Variants in IQSEC1 observed in about 807,000 individuals in gnomAD.
IQSEC1 encodes the protein IQ motif and SEC7 domain-containing protein 1.
In IQSEC1, 31 loss-of-function variants were observed where a neutral mutation model predicts 91.0. The observed-to-expected ratio is 0.34, with a 90% confidence interval of 0.26 to 0.46. The LOEUF is 0.46. Ranked by LOEUF, IQSEC1 falls within the 20% of genes least tolerant of loss-of-function variation. IQSEC1 has a pLI of 1.00. For missense variants in IQSEC1, 1,388 were observed against 1,575.6 expected (o/e 0.88, Z 2.02); for synonymous variants, 699 against 662.6 (o/e 1.05, Z -0.84).
chr3:12,995,938 G>A (rs1270808624), intron 1 of IQSEC1, among the ~76,000 whole-genome samples: 1 of 152,192 alleles, frequency 6.6e-6, no homozygotes, highest in East Asian at 1.9e-4. Flanking sequence ...CAGTGCTTTG[G>A]GAGGCTGAGG....
At chr3:12,917,606 C>T (rs984660292) in intron 6 of IQSEC1, among the ~76,000 whole-genome samples, 1 of 152,224 alleles carries the variant, frequency 6.6e-6, no homozygotes, top group Admixed American at 6.5e-5. Flanking sequence ...CACTATTCCA[C>T]TGTCTGGAGG....
chr3:13,226,280 T>C (rs1694752612), intron 1 of IQSEC1, among the ~76,000 whole-genome samples: 1 of 152,244 alleles, frequency 6.6e-6, no homozygotes, highest in Admixed American at 6.5e-5. Flanking sequence ...GTTTGCCATT[T>C]AGTACTTGCC....
chr3:13,161,318 G>A (rs1390082791), intron 2 of IQSEC1, among the ~76,000 whole-genome samples: 12 of 152,180 alleles, frequency 7.9e-5, no homozygotes, highest in Admixed American at 4.6e-4. Context: ...GGGGAGGGCC[G>A]TGGTCACACT....
intron 1 of IQSEC1, among the ~76,000 whole-genome samples, chr3:13,001,583 C>G (rs754057604): frequency 6.6e-6 from 1 of 152,196 alleles, no homozygotes; most frequent in Non-Finnish European, 1.5e-5. Context: ...GGTAGAGGGT[C>G]GTCCAGATGA....
intron 1 of IQSEC1, among the ~76,000 whole-genome samples, chr3:13,245,207 T>G (rs1036830630): frequency 6.6e-6 from 1 of 152,106 alleles, no homozygotes; most frequent in African/African-American, 2.4e-5. Flanking sequence ...AGCGAAGCCA[T>G]GAAGCCACGA....
At chr3:13,142,053 C>T (rs1415831510) in intron 2 of IQSEC1, among the ~76,000 whole-genome samples, 4 of 152,200 alleles carry the variant, frequency 2.6e-5, no homozygotes, top group African/African-American at 9.7e-5. Context: ...CCTTGTCAGC[C>T]ACGAAGAGGA....
chr3:12,904,449 C>T (rs1042457849), intron 12 of IQSEC1, among the ~76,000 whole-genome samples: 9 of 152,178 alleles, frequency 5.9e-5, no homozygotes, highest in South Asian at 2.1e-4. Context: ...AATTCTCAGC[C>T]GGAAGTAAGA....
intron 2 of IQSEC1, among the ~76,000 whole-genome samples, chr3:13,146,645 G>A (rs1247117247): frequency 6.6e-6 from 1 of 152,224 alleles, no homozygotes; most frequent in Non-Finnish European, 1.5e-5. Flanking sequence ...TTTGAGACCA[G>A]CCTGGCCAAT....
At chr3:13,165,118 C>T (rs1361329418) in intron 1 of IQSEC1, among the ~76,000 whole-genome samples, 1 of 152,164 alleles carries the variant, frequency 6.6e-6, no homozygotes, top group Non-Finnish European at 1.5e-5. Context: ...GTCGCGCTCA[C>T]CAGTAGCAAA....
rs191038673 is a variant in IQSEC1, at chr3:13,194,594, G to A, written c.273-30461C>T. Among the ~76,000 whole-genome samples, 1,192 of 152,258 alleles carry A rather than the reference G, an allele frequency of 7.8e-3. 14 individuals carry two copies. The highest frequency in any genetic ancestry group is 0.027 in the African/African-American group (1,128 of 41,534). On this transcript the variant is annotated intron_variant, in intron 1 of 15. Coordinates refer to the IQSEC1 transcript ENST00000648114. ...CTTTCTACAAGCATGTAGTTAACAT[G>A]TAAGGCCCACCACAAACCTATGATC...
chr3:12,963,701 G>A (rs1700379977), intron 1 of IQSEC1, among the ~76,000 whole-genome samples: 1 of 152,190 alleles, frequency 6.6e-6, no homozygotes, highest in Non-Finnish European at 1.5e-5. Context: ...GTGGAGTCAG[G>A]GTTTTGTGTG....
intron 2 of IQSEC1, among the ~76,000 whole-genome samples, chr3:13,161,198 C>T (rs960086927): frequency 6.6e-6 from 1 of 152,088 alleles, no homozygotes; most frequent in Non-Finnish European, 1.5e-5. Flanking sequence ...TGGAGGTGCG[C>T]ATGGGAAGGC....
At chr3:13,203,482 A>G (rs952498952) in intron 1 of IQSEC1, among the ~76,000 whole-genome samples, 3 of 152,184 alleles carry the variant, frequency 2.0e-5, no homozygotes, top group Non-Finnish European at 4.4e-5. Context: ...CAGATTCCAG[A>G]GACTCCCAAG....
At chr3:12,975,389 T>TTGCCTCTTCC (rs1238162917) in intron 1 of IQSEC1, among the ~76,000 whole-genome samples, 2 of 152,238 alleles carry the variant, frequency 1.3e-5, no homozygotes, top group African/African-American at 2.4e-5. Context: ...CTGCCTCTTC[T>TTGCCTCTTCC]TGCCTCTTCC....
rs1559728241 is a variant in IQSEC1, at chr3:13,026,879, GTTTGTT to G, written c.23+46107_23+46112del. Among the ~76,000 whole-genome samples the G allele has an allele frequency of 1.3e-3, 64 of 51,022 alleles. 3 individuals carry two copies. The highest frequency in any genetic ancestry group is 4.1e-3 in the African/African-American group (59 of 14,254). 33.5% of individuals were successfully genotyped at this position (51,022 alleles called of 152,430 possible). A position where few individuals can be genotyped will look rare whatever the true frequency, so the allele number is the denominator to read the frequency against. On this transcript the variant is annotated intron_variant, in intron 1 of 13. Coordinates refer to ENST00000613206, the MANE Select transcript of IQSEC1 (RefSeq NM_001134382.3). ...TATCTCCCCAGTTTTTTTTTTTTTTGTTTGTTTTTTTTTTTACCAATTAATAAACTG... is the reference window on the plus strand; with the variant it reads ...TATCTCCCCAGTTTTTTTTTTTTTTGTTTTTTTTTACCAATTAATAAACTG...
At chr3:13,054,125 G>C (rs1044464199) in intron 1 of IQSEC1, among the ~76,000 whole-genome samples, 3 of 152,216 alleles carry the variant, frequency 2.0e-5, no homozygotes, top group African/African-American at 7.2e-5. Context: ...GCCCACGGTG[G>C]GTGTTGAGCT....
At chr3:13,003,596 C>T (rs1340137761) in intron 1 of IQSEC1, among the ~76,000 whole-genome samples, 1 of 152,158 alleles carries the variant, frequency 6.6e-6, no homozygotes, top group Non-Finnish European at 1.5e-5. Flanking sequence ...GAATTGTACA[C>T]TTAAAATGAG....
intron 1 of IQSEC1, among the ~76,000 whole-genome samples, chr3:13,048,347 C>T (rs528326730): frequency 6.6e-6 from 1 of 152,334 alleles, no homozygotes; most frequent in African/African-American, 2.4e-5. Context: ...CACAACACTG[C>T]CTGTACCTGC....
Position 12,900,669 on chromosome 3 carries a change from A to G in IQSEC1, c.*314T>C. ...ATGTACATTAGGGCACAGGGAGCTGAGAGCTGGAGTGGGGGAGGCAGTTCA... is the reference window on the plus strand; with the variant it reads ...ATGTACATTAGGGCACAGGGAGCTGGGAGCTGGAGTGGGGGAGGCAGTTCA... On this transcript the variant is annotated 3_prime_UTR_variant, in exon 14 of 14. Transcript: ENST00000613206. 7.8e-7 allele frequency: 1 copy of G among 1,284,984 alleles called. No individual in the cohort carries two copies. The highest frequency in any genetic ancestry group is 9.9e-7 in the Non-Finnish European group (1 of 1,012,066). The allele number at this position is 1,284,984 out of a possible 1,614,324, so 79.6% of individuals were successfully genotyped here.
Sources: gnomAD v4.1 joint callset for allele counts (sites outside exome capture counted in the v4.1 genomes callset) on GRCh38, gnomAD v4.1.1 for gene constraint, MANE v1.5 for transcripts, NCBI Gene and HGNC (gene_info 2026-07-23, HGNC 2026-07-21) for gene names.